SLC13A1: variants seen among roughly 807,000 people sequenced by gnomAD.
SLC13A1 encodes the protein solute carrier family 13 member 1, also known as Na(+)/sulfate cotransporter.
Under a neutral mutation model 70.0 loss-of-function variants are expected in SLC13A1, and 65 were observed. That is an observed-to-expected ratio of 0.93 (90% CI 0.76 to 1.14). The LOEUF (loss-of-function observed/expected upper bound fraction) is 1.14, where lower values mean the gene tolerates loss of function less well. Among genes scored for constraint, SLC13A1 ranks in the 50% most tolerant of loss-of-function variants. The pLI is 0.00. For missense variants in SLC13A1, 726 were observed against 717.8 expected, an observed-to-expected ratio of 1.01 and a Z score of -0.13; for synonymous variants, 275 against 250.5, an observed-to-expected ratio of 1.10 and a Z score of -0.92.
intron 11 of SLC13A1, among the ~76,000 whole-genome samples, chr7:123,124,768 A>T (rs1330965085): frequency 6.6e-6 from 1 of 152,100 alleles, no homozygotes; most frequent in Non-Finnish European, 1.5e-5. Context: ...TTGTAAATAC[A>T]ATGAATGCTG....
At chr7:123,178,025 CTCTCTCTCTA>C (rs1374302632) in intron 2 of SLC13A1, among the ~76,000 whole-genome samples, 1 of 149,976 alleles carries the variant, frequency 6.7e-6, no homozygotes, top group Non-Finnish European at 1.5e-5. Flanking sequence ...CTTTCTCTCT[CTCTCTCTCTA>C]TATATATATA....
At position 123,119,177 on chromosome 7, in the gene SLC13A1, T is replaced by C. The variant is rs1793284858; in HGVS notation, c.1416A>G (p.Leu472=). Residue 472 remains leucine, a synonymous_variant, in exon 13 of 15, where the codon CTA becomes CTG. Coordinates refer to ENST00000194130, the MANE Select transcript of SLC13A1 (RefSeq NM_022444.4). The part of the protein sequence containing the change: ...LSPLGSLPAW[L]IILISSLMVT... ...CCATCAAAGAAGATATCAGAATTAT[T>C]AGCCATGCTGGTAATGAACCCAGAG... 13 of 1,612,162 alleles carry C rather than the reference T, an allele frequency of 8.1e-6. No individual in the cohort carries two copies. The highest frequency in any genetic ancestry group is 1.1e-5 in the Non-Finnish European group (13 of 1,178,594).
chr7:123,115,845 C>T (rs1285385431), intron 14 of SLC13A1, among the ~76,000 whole-genome samples, 190 bp from the exon 15 acceptor site: 3 of 152,170 alleles, frequency 2.0e-5, no homozygotes, highest in Non-Finnish European at 4.4e-5. Context: ...CATATGTATA[C>T]ATGGGTCATG....
At chr7:123,173,468 A>C (rs554366878) in intron 2 of SLC13A1, among the ~76,000 whole-genome samples, 8 of 152,162 alleles carry the variant, frequency 5.3e-5, no homozygotes, top group Non-Finnish European at 1.2e-4. Context: ...ATCCATATGC[A>C]CCAAAAATAT....
chr7:123,123,154 C>G lies in SLC13A1; in HGVS notation c.1322G>C (p.Gly441Ala). Residue 441 changes from glycine (G) to alanine (A), a missense_variant, in exon 12 of 15, where the codon GGA (glycine) becomes GCA (alanine). By Grantham distance (60) the Gly-to-Ala change is moderately conservative. Coordinates refer to ENST00000194130, the MANE Select transcript of SLC13A1 (RefSeq NM_022444.4). ...ACAACCATCTGCCAGGGCAAACCCT[C>G]CACCAACAAGAATGGCTATATCCCA... ...MPWDIAILVG[G>A]GFALADGCEE... is the part of the protein sequence containing the mutation. 6.2e-7 allele frequency: 1 copy of G among 1,613,352 alleles called. No homozygotes were observed. The highest frequency in any genetic ancestry group is 2.2e-5 in the East Asian group (1 of 44,860).
chr7:123,151,166 A>T (rs1386809164), intron 6 of SLC13A1, among the ~76,000 whole-genome samples: 1 of 151,894 alleles, frequency 6.6e-6, no homozygotes, highest in Admixed American at 6.6e-5. Flanking sequence ...TCTACTAAAA[A>T]TACAAAAATT....
At chr7:123,194,651 A>T (rs1796117248) in intron 1 of SLC13A1, among the ~76,000 whole-genome samples, 1 of 152,094 alleles carries the variant, frequency 6.6e-6, no homozygotes, top group Admixed American at 6.6e-5. Context: ...AAGCAGTGCC[A>T]GCAGGAAAGG....
intron 7 of SLC13A1, among the ~76,000 whole-genome samples, chr7:123,146,384 G>A (rs1794351259): frequency 6.6e-6 from 1 of 152,118 alleles, no homozygotes; most frequent in Non-Finnish European, 1.5e-5. Context: ...AATTAGCTGG[G>A]TATTACGGTG....
rs191629665 is a variant in SLC13A1 at position 123,185,639 on chromosome 7, A to G, written c.100-4538T>C. On this transcript the variant is annotated intron_variant, in intron 1 of 14. Coordinates refer to ENST00000194130, the MANE Select transcript of SLC13A1 (RefSeq NM_022444.4). ...CTTCTCTATGGTTTAATTGGTCCACATGTCTGTTTTTATGCCACTGCCATG... is the reference window on the plus strand; with the variant it reads ...CTTCTCTATGGTTTAATTGGTCCACGTGTCTGTTTTTATGCCACTGCCATG... Among the ~76,000 whole-genome samples the G allele has an allele frequency of 4.7e-3, 713 of 152,126 alleles. 6 individuals are homozygous for G. The highest frequency in any genetic ancestry group is 0.016 in the African/African-American group (673 of 41,540).
intron 7 of SLC13A1, among the ~76,000 whole-genome samples, chr7:123,137,692 A>G (rs1230311884): frequency 2.0e-5 from 3 of 152,108 alleles, no homozygotes; most frequent in Admixed American, 2.0e-4. Flanking sequence ...CCCAGTTGCC[A>G]CCCTGCTGTC....
chr7:123,169,447 T>C (rs1795191012), intron 3 of SLC13A1, 112 bp from the exon 4 acceptor site: 1 of 961,450 alleles, frequency 1.0e-6, no homozygotes, highest in Non-Finnish European at 1.5e-6. Flanking sequence ...ATTAAGTCTT[T>C]CAAAACATGG....
chr7:123,119,440 T>A (rs1470547488), intron 12 of SLC13A1, among the ~76,000 whole-genome samples, 198 bp from the exon 13 acceptor site: 3 of 152,062 alleles, frequency 2.0e-5, no homozygotes, highest in Non-Finnish European at 4.4e-5. Context: ...ATTTTGACAC[T>A]GGGAACATGG....
chr7:123,138,610 T>C (rs1008297981), intron 7 of SLC13A1, among the ~76,000 whole-genome samples: 3 of 152,152 alleles, frequency 2.0e-5, no homozygotes, highest in Non-Finnish European at 4.4e-5. Context: ...ATAAAAGCCA[T>C]TTTACCTGGG....
chr7:123,196,386 A>C (rs1398363502), intron 1 of SLC13A1, among the ~76,000 whole-genome samples: 2 of 152,104 alleles, frequency 1.3e-5, no homozygotes, highest in African/African-American at 2.4e-5. Context: ...CTAGGAATAT[A>C]TTTATTATGA....
At chr7:123,168,634 G>C (rs959224568) in intron 4 of SLC13A1, 73 bp from the exon 5 acceptor site, 2 of 1,040,806 alleles carry the variant, frequency 1.9e-6, no homozygotes, top group African/African-American at 3.2e-5. Context: ...GTGTGGATGC[G>C]AAGATGGAAG....
At chr7:123,136,461 G>A (rs1345759784) in intron 7 of SLC13A1, among the ~76,000 whole-genome samples, 1 of 152,104 alleles carries the variant, frequency 6.6e-6, no homozygotes, top group African/African-American at 2.4e-5. Flanking sequence ...TTGCTGTGAT[G>A]TTCCTTTTCC....
intron 7 of SLC13A1, among the ~76,000 whole-genome samples, chr7:123,143,637 C>A (rs956669402): frequency 4.6e-5 from 7 of 152,178 alleles, no homozygotes; most frequent in African/African-American, 7.2e-5. Context: ...ACACTGTTTT[C>A]TCTACCTCTT....
chr7:123,176,508 G>A, intron 2 of SLC13A1, among the ~76,000 whole-genome samples: 1 of 152,140 alleles, frequency 6.6e-6, no homozygotes, highest in East Asian at 1.9e-4. Flanking sequence ...GAGCACCTGA[G>A]TTCTCTCTTA....
At position 123,115,596 on chromosome 7, in the gene SLC13A1, A is replaced by G. The variant is rs1226623665; in HGVS notation, c.1710T>C (p.Cys570=). The G allele has an allele frequency of 2.5e-6, 4 of 1,613,868 alleles. No homozygotes were observed. Among genetic ancestry groups the G allele is most frequent in the African/African-American group, 1.3e-5 (1 of 74,932 alleles). ...VGVAVVMLGI[C]TWIVPMFDLY... ...GGTCAAACATGGGTACAATCCAAGT[A>G]CATATGCCAAGCATAACCACAGCAA... Residue 570 remains cysteine, a synonymous_variant, in exon 15 of 15, where the codon TGT becomes TGC. Transcript: ENST00000194130.
Sources: gnomAD v4.1 joint callset for allele counts (sites outside exome capture counted in the v4.1 genomes callset) on GRCh38, gnomAD v4.1.1 for gene constraint, MANE v1.5 for transcripts, NCBI Gene and HGNC (gene_info 2026-07-23, HGNC 2026-07-21) for gene names.